KCTD16: variants seen among roughly 807,000 people sequenced by gnomAD.
KCTD16 encodes the protein potassium channel tetramerization domain containing 16, also known as BTB/POZ domain-containing protein KCTD16.
Under a neutral mutation model 33.2 loss-of-function variants are expected in KCTD16, and 13 were observed. That is an observed-to-expected ratio of 0.39 (90% CI 0.25 to 0.62). KCTD16 has a LOEUF of 0.62. KCTD16 is among the 20% of genes least tolerant of loss of function. The probability of loss-of-function intolerance (pLI) is 0.50; values close to 1 mark genes in which losing one functional copy is unlikely to be tolerated. For missense variants in KCTD16, 441 were observed against 525.1 expected (o/e 0.84, Z 1.57); for synonymous variants, 197 against 195.3 (o/e 1.01, Z -0.07).
chr5:144,260,435 A>G (rs1754974877), intron 3 of KCTD16, among the ~76,000 whole-genome samples: 1 of 152,188 alleles, frequency 6.6e-6, no homozygotes, highest in Non-Finnish European at 1.5e-5. Context: ...TGGAGAAAGA[A>G]CACCAAGCTC....
intron 3 of KCTD16, among the ~76,000 whole-genome samples, chr5:144,309,505 T>G (rs1354981857): frequency 1.3e-5 from 2 of 152,076 alleles, no homozygotes; most frequent in African/African-American, 4.8e-5. Flanking sequence ...AATATTTGAG[T>G]CTTCCAAGCC....
chr5:144,341,294 G>A (rs1313300134), intron 3 of KCTD16, among the ~76,000 whole-genome samples: 1 of 152,152 alleles, frequency 6.6e-6, no homozygotes, highest in African/African-American at 2.4e-5. Context: ...TGGATGGGGT[G>A]GTAGAAGGAT....
intron 3 of KCTD16, among the ~76,000 whole-genome samples, chr5:144,303,513 G>T (rs1204415782): frequency 1.3e-5 from 2 of 152,156 alleles, no homozygotes; most frequent in Admixed American, 6.5e-5. Context: ...ATGACCAAAG[G>T]TTCAGTCTCT....
At position 144,256,322 on chromosome 5, in the gene KCTD16, C is replaced by A. The variant is rs1235688831; in HGVS notation, c.832+48776C>A. On this transcript the variant is annotated intron_variant, in intron 3 of 3. Coordinates refer to ENST00000512467, the MANE Select transcript of KCTD16 (RefSeq NM_020768.4). ...TTTGGAGTCTAAAACCAAAGAAATT[C>A]TTCCACTACTATAAACACTGTGACT... Among the ~76,000 whole-genome samples, 5 of 152,184 alleles carry A rather than the reference C, an allele frequency of 3.3e-5. No homozygotes were observed. The East Asian group carries it at 9.6e-4, about 29-fold the overall frequency.
intron 3 of KCTD16, among the ~76,000 whole-genome samples, chr5:144,260,477 C>A (rs1754975708): frequency 6.6e-6 from 1 of 152,162 alleles, no homozygotes; most frequent in Non-Finnish European, 1.5e-5. Flanking sequence ...TTTCCTAGGA[C>A]AAGTGTCTTG....
chr5:144,468,525 G>A (rs750750899), intron 3 of KCTD16, among the ~76,000 whole-genome samples: 1 of 152,182 alleles, frequency 6.6e-6, no homozygotes, highest in Non-Finnish European at 1.5e-5. Flanking sequence ...TGATTGTCAA[G>A]CTTGAAGACA....
chr5:144,407,280 T>C (rs1449576090), intron 3 of KCTD16, among the ~76,000 whole-genome samples: 1 of 151,408 alleles, frequency 6.6e-6, no homozygotes, highest in Non-Finnish European at 1.5e-5. Flanking sequence ...AGAAAACAGC[T>C]TCACTTAGGG....
chr5:144,403,283 A>G (rs764483700), intron 3 of KCTD16, among the ~76,000 whole-genome samples: 5 of 152,242 alleles, frequency 3.3e-5, no homozygotes, highest in Admixed American at 6.5e-5. Context: ...TTATTTGGAA[A>G]TAGCATCTTT....
rs543066029 is a variant in KCTD16 at position 144,329,615 on chromosome 5, G to T, written c.832+122069G>T. Among the ~76,000 whole-genome samples the T allele has an allele frequency of 5.9e-5, 9 of 152,104 alleles. No homozygotes were observed. The South Asian group carries it at 1.5e-3, about 25-fold the overall frequency. ...TACCAAAACAGCAACAGATTTTGTT[G>T]GTGGCCTTGAATCAATCTGTTAAAT... On this transcript the variant is annotated intron_variant, in intron 3 of 3. Transcript: ENST00000512467.
intron 2 of KCTD16, 101 bp downstream of exon 2, chr5:144,174,573 C>A (rs1450322964): frequency 6.6e-6 from 1 of 152,142 alleles, no homozygotes; most frequent in African/African-American, 2.4e-5. Flanking sequence ...CTTTTTTCCC[C>A]TACCAAAGAG....
In KCTD16 at chr5:144,206,930, GT is replaced by G; in HGVS notation, c.221del (p.Phe74SerfsTer33). On this transcript the variant is annotated frameshift_variant, in exon 3 of 4. Transcript: ENST00000512467. LOFTEE classifies it high-confidence loss of function. ...NDLAKDSKGR[F>X]FIDRDGFLFR... is the part of the protein sequence containing the mutation. ...ATCTAGCCAAGGACTCCAAGGGAAG[GT>G]TTTTCATTGACAGAGATGGATTCTT... is the stretch of plus-strand genomic sequence containing the variant. The G allele has an allele frequency of 6.2e-7, 1 of 1,614,116 alleles. No homozygotes were observed. The highest frequency in any genetic ancestry group is 8.5e-7 in the Non-Finnish European group (1 of 1,180,000).
intron 2 of KCTD16, among the ~76,000 whole-genome samples, chr5:144,178,373 A>AT (rs1167751648): frequency 1.3e-5 from 2 of 152,160 alleles, no homozygotes; most frequent in Non-Finnish European, 2.9e-5. Context: ...CTTAGATATG[A>AT]TTTTTTGTTA....
intron 3 of KCTD16, among the ~76,000 whole-genome samples, chr5:144,419,676 T>C (rs768121266): frequency 1.3e-5 from 2 of 152,190 alleles, no homozygotes; most frequent in African/African-American, 2.4e-5. Flanking sequence ...ACTAGTACTT[T>C]TCTGCAGAAG....
chr5:144,392,212 G>A (rs73795530), intron 3 of KCTD16, among the ~76,000 whole-genome samples: 2,411 of 152,210 alleles, frequency 0.016, 55 homozygotes, highest in African/African-American at 0.055. Context: ...GGAATCAGGA[G>A]CAATGCAGGG....
intron 3 of KCTD16, among the ~76,000 whole-genome samples, chr5:144,306,916 C>T (rs1343281296): frequency 6.6e-6 from 1 of 152,158 alleles, no homozygotes; most frequent in African/African-American, 2.4e-5. Context: ...TAACACATAC[C>T]AGAACCAAAG....
intron 2 of KCTD16, among the ~76,000 whole-genome samples, chr5:144,196,444 T>C (rs574753495): frequency 8.5e-4 from 130 of 152,264 alleles, no homozygotes; most frequent in African/African-American, 3.0e-3. Context: ...TTGGGGCAAA[T>C]AAAACATTTA....
At chr5:144,403,531 G>A (rs1160954269) in intron 3 of KCTD16, among the ~76,000 whole-genome samples, 1 of 152,136 alleles carries the variant, frequency 6.6e-6, no homozygotes, top group Non-Finnish European at 1.5e-5. Flanking sequence ...GAAGCTAAGA[G>A]AGGGGCATGG....
intron 3 of KCTD16, chr5:144,439,116 T>C (rs1753643545): frequency 6.3e-6 from 1 of 158,650 alleles, no homozygotes. Context: ...AGAGTAATTA[T>C]TTATTTAATT....
chr5:144,234,620 G>A (rs532155024), intron 3 of KCTD16, among the ~76,000 whole-genome samples: 1 of 152,040 alleles, frequency 6.6e-6, no homozygotes, highest in Non-Finnish European at 1.5e-5. Context: ...GATAAATCAC[G>A]GGACAAACTG....
Sources: gnomAD v4.1 joint callset for allele counts (sites outside exome capture counted in the v4.1 genomes callset) on GRCh38, gnomAD v4.1.1 for gene constraint, MANE v1.5 for transcripts, NCBI Gene and HGNC (gene_info 2026-07-23, HGNC 2026-07-21) for gene names.